Variants in ITM2C observed in about 807,000 individuals in gnomAD.
ITM2C encodes BRICHOS domain containing 2C.
Under a neutral mutation model 30.0 loss-of-function variants are expected in ITM2C, and 20 were observed. That is an observed-to-expected ratio of 0.67 (90% CI 0.47 to 0.97). The LOEUF (loss-of-function observed/expected upper bound fraction) is 0.97, where lower values mean the gene tolerates loss of function less well. ITM2C is among the 50% of genes least tolerant of loss of function. ITM2C has a pLI of 0.00. For synonymous variants in ITM2C, 167 were observed against 156.4 expected, an observed-to-expected ratio of 1.07 and a Z score of -0.51; for missense variants, 366 against 371.9, an observed-to-expected ratio of 0.98 and a Z score of 0.13.
At chr2:230,866,415 C>T (rs1313296893) in intron 1 of ITM2C, among the ~76,000 whole-genome samples, 1 of 152,156 alleles carries the variant, frequency 6.6e-6, no homozygotes, top group Non-Finnish European at 1.5e-5. Context: ...GGAGGGGGCG[C>T]CGGAGAGGGC....
At chr2:230,875,909 G>T (rs919372315) in intron 3 of ITM2C, 101 bp downstream of exon 3, 25 of 974,482 alleles carry the variant, frequency 2.6e-5, no homozygotes, top group Non-Finnish European at 3.7e-5. Context: ...AGTACAGCAG[G>T]TGTCTACGGT....
chr2:230,875,056 TTAG>T (rs1179049334), intron 2 of ITM2C, among the ~76,000 whole-genome samples: 4 of 151,956 alleles, frequency 2.6e-5, no homozygotes, highest in African/African-American at 7.3e-5. Context: ...ACCCGCCGTG[TTAG>T]GCCCCTCCAG....
At position 230,877,070 on chromosome 2, in the gene ITM2C, T is replaced by C; in HGVS notation, c.561+103T>C. The stretch of plus-strand genomic sequence containing the variant: ...GTACAGGAAGTTCCTGTGTCAGGGG[T>C]TGGGGGAGCAAGAGACATTGCTGGC... On this transcript the variant is annotated intron_variant, in intron 4 of 5. Transcript: ENST00000326427. The surrounding 1 kb of genome is among the most constrained non-coding windows in gnomAD (Gnocchi z 4.8). 3.5e-6 allele frequency: 3 copies of C among 856,910 alleles called. No individual in the cohort carries two copies. The Admixed American group carries it at 5.9e-5, about 17-fold the overall frequency. The allele number at this position is 856,910 out of a possible 1,614,324, so 53.1% of individuals were successfully genotyped here. A position where few individuals can be genotyped will look rare whatever the true frequency, so the allele number is the denominator to read the frequency against.
At chr2:230,874,161 A>G (rs1267781473) in intron 2 of ITM2C, among the ~76,000 whole-genome samples, 1 of 152,220 alleles carries the variant, frequency 6.6e-6, no homozygotes, top group East Asian at 1.9e-4. Context: ...ACCTACGTAC[A>G]ACTCACAGAG....
chr2:230,875,889 G>A, intron 3 of ITM2C, 81 bp downstream of exon 3: 2 of 1,200,240 alleles, frequency 1.7e-6, no homozygotes, highest in Non-Finnish European at 2.4e-6. Context: ...GATGAAAGGA[G>A]ACTCCTCGGA....
intron 1 of ITM2C, among the ~76,000 whole-genome samples, chr2:230,870,037 C>G (rs1697126306): frequency 6.6e-6 from 1 of 152,242 alleles, no homozygotes; most frequent in Non-Finnish European, 1.5e-5. Context: ...CGGCTGGGGT[C>G]TCAGGAAGGT....
At position 230,865,206 on chromosome 2, in the gene ITM2C, C is replaced by T; in HGVS notation, c.120+61C>T. On this transcript the variant is annotated intron_variant, in intron 1 of 5. Coordinates refer to ENST00000326427, the MANE Select transcript of ITM2C (RefSeq NM_030926.6). The surrounding 1 kb of genome is among the most constrained non-coding windows in gnomAD (Gnocchi z 6.8). The stretch of plus-strand genomic sequence containing the variant: ...GACCCAGGCTCACGACCCAGGCGCG[C>T]CCCGTCGGCCCTGGGGACTGCCCGA... 2 of 1,327,836 alleles carry T rather than the reference C, an allele frequency of 1.5e-6. No homozygotes were observed. The highest frequency in any genetic ancestry group is 1.9e-6 in the Non-Finnish European group (2 of 1,032,252). The allele number at this position is 1,327,836 out of a possible 1,614,324, so 82.3% of individuals were successfully genotyped here. A position where few individuals can be genotyped will look rare whatever the true frequency, so the allele number is the denominator to read the frequency against.
chr2:230,877,680 C>A lies in ITM2C; in HGVS notation c.712+130C>A. 2.1e-6 allele frequency: 2 copies of A among 959,830 alleles called. No homozygotes were observed. The highest frequency in any genetic ancestry group is 3.1e-6 in the Non-Finnish European group (2 of 635,494). The allele number at this position is 959,830 out of a possible 1,614,324, so 59.5% of individuals were successfully genotyped here. A position where few individuals can be genotyped will look rare whatever the true frequency, so the allele number is the denominator to read the frequency against. On this transcript the variant is annotated intron_variant, in intron 5 of 5. Coordinates refer to ENST00000326427, the MANE Select transcript of ITM2C (RefSeq NM_030926.6). This position sits in a 1 kb window ranked among gnomAD's most constrained non-coding sequence, Gnocchi z 4.8. ...AACAGCTAGCATTAGCAGAGCACTTCCGTGTGCCGGGCAATGCTGTGTGCT... is the reference window on the plus strand; with the variant it reads ...AACAGCTAGCATTAGCAGAGCACTTACGTGTGCCGGGCAATGCTGTGTGCT...
chr2:230,873,568 G>T lies in ITM2C; in HGVS notation c.261+11G>T. The T allele has an allele frequency of 6.3e-7, 1 of 1,594,504 alleles. No individual in the cohort carries two copies. Among genetic ancestry groups the T allele is most frequent in the South Asian group, 1.1e-5 (1 of 87,446 alleles). ...TTCTTCCTTGCGCAGGTGAGGGGCC[G>T]GGCCAGGTAGGGGCAAGGCCTCGAG... On this transcript the variant is annotated intron_variant, in intron 2 of 5. Coordinates refer to ENST00000326427, the MANE Select transcript of ITM2C (RefSeq NM_030926.6).
chr2:230,866,522 C>A (rs949767436), intron 1 of ITM2C, among the ~76,000 whole-genome samples: 3 of 152,156 alleles, frequency 2.0e-5, no homozygotes, highest in South Asian at 2.1e-4. Flanking sequence ...CTGCAGCAAC[C>A]AGTGGCTCAG....
chr2:230,869,221 G>A (rs950028096), intron 1 of ITM2C, among the ~76,000 whole-genome samples: 2 of 152,328 alleles, frequency 1.3e-5, no homozygotes, highest in African/African-American at 4.8e-5. Flanking sequence ...GGATGGAAGA[G>A]AAGAGGGAAT....
intron 1 of ITM2C, among the ~76,000 whole-genome samples, chr2:230,870,301 G>C (rs1358298606): frequency 1.3e-5 from 2 of 152,256 alleles, no homozygotes; most frequent in African/African-American, 2.4e-5. Context: ...TCTGTGTGGG[G>C]CTTTATGGAG....
chr2:230,876,584 CCATTCTCCCGCCT>C (rs1446837213), intron 3 of ITM2C, among the ~76,000 whole-genome samples: 1 of 152,140 alleles, frequency 6.6e-6, no homozygotes, highest in Non-Finnish European at 1.5e-5. Flanking sequence ...TGGGTTCACA[CCATTCTCCCGCCT>C]CAGCCCCCCG....
rs192565544 is a variant in ITM2C at position 230,873,211 on chromosome 2, C to T, written c.121-206C>T. ...TCGAGGTGTGTCTCCTTTTCTCTTTCGAGGTTTGTCTCGGTTTCTCTTTAG... is the reference window on the plus strand; with the variant it reads ...TCGAGGTGTGTCTCCTTTTCTCTTTTGAGGTTTGTCTCGGTTTCTCTTTAG... On this transcript the variant is annotated intron_variant, in intron 1 of 5. Transcript: ENST00000326427. 1.4e-3 allele frequency: 656 copies of T among 461,032 alleles called. 5 individuals are homozygous for T. The highest frequency in any genetic ancestry group is 0.012 in the African/African-American group (623 of 50,196). 28.6% of individuals were successfully genotyped at this position (461,032 alleles called of 1,614,324 possible). A position where few individuals can be genotyped will look rare whatever the true frequency, so the allele number is the denominator to read the frequency against.
At chr2:230,869,515 G>A (rs2125016220) in intron 1 of ITM2C, among the ~76,000 whole-genome samples, 1 of 152,328 alleles carries the variant, frequency 6.6e-6, no homozygotes, top group South Asian at 2.1e-4. Context: ...TGAGGACCAG[G>A]AGAGATGTGG....
Position 230,864,994 on chromosome 2 carries a change from G to A in ITM2C, c.-32G>A. ...AGAGACCGAGGCTGCACCGGCAGAG[G>A]CTGCGGGGCGGACGCGCGGGCCGGC... On this transcript the variant is annotated 5_prime_UTR_variant, in exon 1 of 6. Transcript: ENST00000326427. This position sits in a 1 kb window ranked among gnomAD's most constrained non-coding sequence, Gnocchi z 4.3. The A allele has an allele frequency of 1.4e-6, 2 of 1,443,772 alleles. No individual in the cohort carries two copies. Among genetic ancestry groups the A allele is most frequent in the Non-Finnish European group, 1.8e-6 (2 of 1,087,304 alleles). The allele number at this position is 1,443,772 out of a possible 1,614,324, so 89.4% of individuals were successfully genotyped here. A position where few individuals can be genotyped will look rare whatever the true frequency, so the allele number is the denominator to read the frequency against.
chr2:230,866,266 G>T (rs1017140001), intron 1 of ITM2C, among the ~76,000 whole-genome samples: 1 of 152,198 alleles, frequency 6.6e-6, no homozygotes, highest in Non-Finnish European at 1.5e-5. Flanking sequence ...GAAAGTCTTT[G>T]TCCACTGCTT....
chr2:230,875,506 T>G, intron 2 of ITM2C, 114 bp from the exon 3 acceptor site: 1 of 900,004 alleles, frequency 1.1e-6, no homozygotes, highest in Non-Finnish European at 1.7e-6. Context: ...CCTGCTCTTC[T>G]TGCTTCCGCA....
chr2:230,871,433 T>C (rs954832243), intron 1 of ITM2C, among the ~76,000 whole-genome samples: 1 of 152,222 alleles, frequency 6.6e-6, no homozygotes, highest in East Asian at 1.9e-4. Flanking sequence ...CGGGAGTCCA[T>C]TGGAAAACCA....
Sources: allele counts gnomAD v4.1 joint callset (sites outside exome capture counted in the v4.1 genomes callset), GRCh38; gene constraint gnomAD v4.1.1; non-coding constraint Gnocchi (gnomAD v3.1); transcripts MANE v1.5; gene names NCBI Gene and HGNC (gene_info 2026-07-23, HGNC 2026-07-21).